The following PBX1 variants were observed in gnomAD, a reference collection of about 807,000 sequenced individuals.
PBX1 encodes PBX homeobox 1, also known as pre-B-cell leukemia transcription factor 1.
In PBX1, 6 loss-of-function variants were observed where a neutral mutation model predicts 53.4. The ratio of observed to expected loss-of-function variants is 0.11; its 90% CI spans 0.06 to 0.22. PBX1 has a LOEUF of 0.22. Among genes scored for constraint, PBX1 ranks in the 10% least tolerant of loss-of-function variants. The probability of loss-of-function intolerance (pLI) is 1.00; values close to 1 mark genes in which losing one functional copy is unlikely to be tolerated. For synonymous variants in PBX1, 204 were observed against 212.3 expected (o/e 0.96, Z 0.34); for missense variants, 251 against 551.4 (o/e 0.46, Z 5.46).
At chr1:164,715,105 A>T (rs568427369) in intron 2 of PBX1, among the ~76,000 whole-genome samples, 2 of 152,144 alleles carry the variant, frequency 1.3e-5, no homozygotes, top group East Asian at 3.9e-4. Flanking sequence ...TGCTCTACAC[A>T]CAGAGCTGCT....
chr1:164,588,790 C>T (rs1655142840), intron 2 of PBX1, among the ~76,000 whole-genome samples: 1 of 152,082 alleles, frequency 6.6e-6, no homozygotes, highest in African/African-American at 2.4e-5. Flanking sequence ...AGCGCGTTGC[C>T]CCGGCCTTCT....
intron 2 of PBX1, among the ~76,000 whole-genome samples, chr1:164,871,777 C>A (rs553617294): frequency 6.6e-6 from 1 of 152,256 alleles, no homozygotes; most frequent in African/African-American, 2.4e-5. Flanking sequence ...AGGCCCCAAA[C>A]CTCGGAGTTG....
intron 2 of PBX1, among the ~76,000 whole-genome samples, chr1:164,671,953 G>A (rs1169950257): frequency 1.3e-5 from 2 of 151,852 alleles, no homozygotes; most frequent in African/African-American, 2.4e-5. Context: ...ATTGAAGAGA[G>A]TCCACCGTGG....
At chr1:164,739,846 C>A (rs1037108096) in intron 2 of PBX1, among the ~76,000 whole-genome samples, 1 of 151,732 alleles carries the variant, frequency 6.6e-6, no homozygotes, top group East Asian at 1.9e-4. Context: ...TCTTTTCAGA[C>A]AAAGTAAGGC....
At chr1:164,760,976 T>A (rs1206345855) in intron 2 of PBX1, among the ~76,000 whole-genome samples, 1 of 152,202 alleles carries the variant, frequency 6.6e-6, no homozygotes, top group Non-Finnish European at 1.5e-5. Flanking sequence ...TTCCTCTCAC[T>A]TGGAATAAGG....
intron 2 of PBX1, among the ~76,000 whole-genome samples, chr1:164,743,845 C>A (rs1164325882): frequency 1.3e-5 from 2 of 152,146 alleles, no homozygotes; most frequent in Non-Finnish European, 2.9e-5. Flanking sequence ...TCTTAAAACT[C>A]CAGTATAACA....
intron 2 of PBX1, among the ~76,000 whole-genome samples, chr1:164,685,923 C>T (rs943913902): frequency 1.3e-5 from 2 of 152,188 alleles, no homozygotes; most frequent in Non-Finnish European, 2.9e-5. Flanking sequence ...TGCTGGAGAA[C>T]ATTAGGTGCC....
intron 2 of PBX1, among the ~76,000 whole-genome samples, chr1:164,689,047 C>T (rs973553057): frequency 2.0e-5 from 3 of 152,220 alleles, no homozygotes; most frequent in Non-Finnish European, 4.4e-5. Flanking sequence ...TCCTCCAGGG[C>T]TCCTATCGAG....
intron 2 of PBX1, among the ~76,000 whole-genome samples, chr1:164,565,494 A>G (rs907696789): frequency 5.3e-5 from 8 of 151,556 alleles, no homozygotes; most frequent in African/African-American, 9.7e-5. Context: ...AAAGTAGGGG[A>G]AAAAAAAGGC....
At chr1:164,583,787 T>A (rs1312225021) in intron 2 of PBX1, among the ~76,000 whole-genome samples, 2 of 152,196 alleles carry the variant, frequency 1.3e-5, no homozygotes, top group Non-Finnish European at 2.9e-5. Context: ...AAAAACCATT[T>A]GCCAGGTACT....
At chr1:164,877,081 GAAGT>G (rs1672530520) in intron 2 of PBX1, among the ~76,000 whole-genome samples, 1 of 151,662 alleles carries the variant, frequency 6.6e-6, no homozygotes, top group Admixed American at 6.6e-5. Context: ...ACAACCCTGT[GAAGT>G]AAGTTTTTTT....
chr1:164,750,707 C>T (rs1223969202), intron 2 of PBX1, among the ~76,000 whole-genome samples: 6 of 152,142 alleles, frequency 3.9e-5, no homozygotes, highest in African/African-American at 1.4e-4. Flanking sequence ...TTTTTAAAAA[C>T]CATTTCTTAT....
chr1:164,571,297 C>G (rs1005636050), intron 2 of PBX1, among the ~76,000 whole-genome samples: 4 of 152,126 alleles, frequency 2.6e-5, no homozygotes, highest in Non-Finnish European at 4.4e-5. Flanking sequence ...TTTTTATCAG[C>G]CTCCTTGCCC....
downstream of PBX1, among the ~76,000 whole-genome samples, chr1:164,856,480 T>C (rs1201033051): frequency 1.3e-5 from 2 of 152,176 alleles, no homozygotes; most frequent in Admixed American, 1.3e-4. Flanking sequence ...TTTTTAATTT[T>C]TTTTCAATAT....
At chr1:164,809,669 A>G (rs1329074130) in intron 5 of PBX1, among the ~76,000 whole-genome samples, 1 of 152,186 alleles carries the variant, frequency 6.6e-6, no homozygotes, top group East Asian at 1.9e-4. Context: ...GGGCTGTATC[A>G]TTATTGTCTT....
chr1:164,630,375 G>A (rs1658334055), intron 2 of PBX1, among the ~76,000 whole-genome samples: 1 of 152,228 alleles, frequency 6.6e-6, no homozygotes, highest in South Asian at 2.1e-4. Context: ...TCTTCACTTG[G>A]TCTTTCCAAC....
intron 5 of PBX1, among the ~76,000 whole-genome samples, chr1:164,808,039 T>C (rs1571446299): frequency 6.6e-6 from 1 of 152,338 alleles, no homozygotes; most frequent in East Asian, 1.9e-4. Context: ...GTCAATTCCT[T>C]AGCCATTTTT....
At chr1:164,600,480 C>T (rs1456766143) in intron 2 of PBX1, among the ~76,000 whole-genome samples, 2 of 152,058 alleles carry the variant, frequency 1.3e-5, no homozygotes, top group African/African-American at 2.4e-5. Context: ...AACTCCTGAC[C>T]TCAGGTGATC....
intron 2 of PBX1, chr1:164,774,577 C>A (rs975494585): frequency 6.6e-6 from 1 of 152,192 alleles, no homozygotes; most frequent in Non-Finnish European, 1.5e-5. Flanking sequence ...GTAATTGCTT[C>A]TGTGACCAAG....
Sources: allele counts gnomAD v4.1 joint callset (sites outside exome capture counted in the v4.1 genomes callset), GRCh38; gene constraint gnomAD v4.1.1; transcripts MANE v1.5; gene names NCBI Gene and HGNC (gene_info 2026-07-23, HGNC 2026-07-21).